FGD6: variants seen among roughly 807,000 people sequenced by gnomAD.
The protein encoded by FGD6 is FYVE, RhoGEF and PH domain-containing protein 6.
FGD6 carries 90 observed loss-of-function variants against 149.4 expected under a neutral mutation model. That is an observed-to-expected ratio of 0.60 (90% CI 0.51 to 0.72). The LOEUF is 0.72. FGD6 is among the 30% of genes least tolerant of loss of function. The pLI, the probability that FGD6 is intolerant of heterozygous loss-of-function variation, is 0.00. For missense variants in FGD6, 1,437 were observed against 1,684.8 expected, an observed-to-expected ratio of 0.85 and a Z score of 2.57; for synonymous variants, 527 against 584.0, an observed-to-expected ratio of 0.90 and a Z score of 1.41.
chr12:95,108,553 C>T lies in FGD6; in HGVS notation c.3142G>A (p.Ala1048Thr). Residue 1048 changes from alanine to threonine, a missense_variant, in exon 10 of 21, where the codon GCT (alanine) becomes ACT (threonine). By Grantham distance (58) the Ala-to-Thr change is moderately conservative (BLOSUM62 0). Around this residue, in one of 2 missense-constraint regions of FGD6, gnomAD observed 382 missense variants for 538.7 expected, o/e 0.71. Transcript: ENST00000343958. Reference sequence around the variant, plus strand: ...TGGTTGGCTACCTCTATAACAACAGCAAGGGCATCTGAAATAGGCAGGAAC... The same window carrying T: ...TGGTTGGCTACCTCTATAACAACAGTAAGGGCATCTGAAATAGGCAGGAAC... ...GDYRDTQDAL[A>T]VVIEVANHAN... The T allele has an allele frequency of 6.2e-7, 1 of 1,613,982 alleles. No homozygotes were observed. Among genetic ancestry groups the T allele is most frequent in the Non-Finnish European group, 8.5e-7 (1 of 1,179,902 alleles).
chr12:95,202,861 G>C (rs1258675533), intron 2 of FGD6, among the ~76,000 whole-genome samples: 1 of 152,166 alleles, frequency 6.6e-6, no homozygotes, highest in Non-Finnish European at 1.5e-5. Flanking sequence ...GAGGCATACA[G>C]ATTTTTTACA....
chr12:95,143,999 G>C (rs540805960), intron 5 of FGD6, among the ~76,000 whole-genome samples: 3 of 152,200 alleles, frequency 2.0e-5, no homozygotes, highest in Admixed American at 6.5e-5. Flanking sequence ...TGCCATGACA[G>C]TGACAGTGAT....
At position 95,152,745 on chromosome 12, in the gene FGD6, C is replaced by T; in HGVS notation, c.2685+66G>A. The T allele has an allele frequency of 2.1e-6, 3 of 1,450,090 alleles. No homozygotes were observed. In the South Asian group the frequency reaches 3.6e-5, roughly 18 times the overall value. 89.8% of individuals were successfully genotyped at this position (1,450,090 alleles called of 1,614,324 possible). ...ATTAAGTTAGTAATGCTGAAAACTT[C>T]TAGGGGTAGGGAAAGTACAAAAGGG... On this transcript the variant is annotated intron_variant, in intron 5 of 20. Coordinates refer to ENST00000343958, the MANE Select transcript of FGD6 (RefSeq NM_018351.4).
intron 3 of FGD6, among the ~76,000 whole-genome samples, chr12:95,166,070 G>T (rs2136280266): frequency 6.6e-6 from 1 of 151,778 alleles, no homozygotes; most frequent in Non-Finnish European, 1.5e-5. Flanking sequence ...CTTCCCAGGG[G>T]CTTGCCCCAC....
intron 13 of FGD6, among the ~76,000 whole-genome samples, chr12:95,106,694 G>A (rs1210719351): frequency 2.0e-5 from 3 of 151,842 alleles, no homozygotes; most frequent in Admixed American, 1.3e-4. Context: ...TCAGGAGTTC[G>A]AGACCAGCCT....
Position 95,105,037 on chromosome 12 carries a change from C to T in FGD6, c.3467G>A (p.Ser1156Asn), listed in dbSNP as rs774894799. The change falls in exon 14 of 21, where the codon AGT becomes AAT. Residue 1156 changes from serine (S) to asparagine (N), a missense_variant. Around this residue, in one of 2 missense-constraint regions of FGD6, gnomAD observed 382 missense variants for 538.7 expected, o/e 0.71. Transcript: ENST00000343958. ...EAYQNELKIE[S>N]VERSFILSAS... ...TGAGAGAATGAAGGAACGTTCTACA[C>T]TTTCAATCTTTAATTCATTCTGATA... 2 of 1,607,766 alleles carry T rather than the reference C, an allele frequency of 1.2e-6. No individual in the cohort carries two copies. Among genetic ancestry groups the T allele is most frequent in the Non-Finnish European group, 1.7e-6 (2 of 1,178,516 alleles).
intron 2 of FGD6, among the ~76,000 whole-genome samples, chr12:95,200,205 G>T (rs923500798): frequency 6.6e-6 from 1 of 152,056 alleles, no homozygotes; most frequent in African/African-American, 2.4e-5. Context: ...AAAAATAAAT[G>T]ATCTAAGTAA....
chr12:95,197,432 C>T (rs1435572140), intron 2 of FGD6, among the ~76,000 whole-genome samples: 2 of 152,048 alleles, frequency 1.3e-5, no homozygotes, highest in African/African-American at 4.8e-5. Flanking sequence ...GACTCTGTCT[C>T]TAAAAAATAA....
chr12:95,130,791 TAA>T (rs1322987101), intron 8 of FGD6, among the ~76,000 whole-genome samples: 1 of 151,830 alleles, frequency 6.6e-6, no homozygotes, highest in Non-Finnish European at 1.5e-5. Flanking sequence ...TCTTGCAAAG[TAA>T]AGAGTAATCA....
intron 5 of FGD6, among the ~76,000 whole-genome samples, chr12:95,148,635 G>A (rs1385013746): frequency 1.9e-5 from 2 of 105,922 alleles, no homozygotes; most frequent in East Asian, 3.1e-4. Flanking sequence ...CATAGCATAT[G>A]TTATATTATA....
Position 95,210,423 on chromosome 12 carries a change from A to C in FGD6, c.861T>G (p.Asp287Glu). The change falls in exon 2 of 21, where the codon GAT becomes GAG. Residue 287 changes from aspartate to glutamate, a missense_variant. By Grantham distance (45) the Asp-to-Glu change is conservative. This residue lies in a region of FGD6 where 1,055 missense variants were observed against 1,146.0 expected (regional missense o/e 0.92). Coordinates refer to ENST00000343958, the MANE Select transcript of FGD6 (RefSeq NM_018351.4). ...NGKRSTLISS[D>E]GVSKKSEVKD... ...TGACTTCTGATTTCTTACTAACTCC[A>C]TCTGAAGATATTAAAGTACTCCTTT... 6.2e-7 allele frequency: 1 copy of C among 1,614,156 alleles called. No homozygotes were observed. Among genetic ancestry groups the C allele is most frequent in the Non-Finnish European group, 8.5e-7 (1 of 1,180,034 alleles).
Position 95,210,235 on chromosome 12 carries a change from C to A in FGD6, c.1049G>T (p.Cys350Phe). Residue 350 changes from cysteine (C) to phenylalanine (F), a missense_variant, in exon 2 of 21, where the codon TGT (cysteine) becomes TTT (phenylalanine). By Grantham distance (205) the Cys-to-Phe change is radical. This residue lies in a region of FGD6 where 1,055 missense variants were observed against 1,146.0 expected (regional missense o/e 0.92). Coordinates refer to ENST00000343958, the MANE Select transcript of FGD6 (RefSeq NM_018351.4). ...EPGNSDSSSSCLTENSLKINK... is the reference protein window; with the variant it reads ...EPGNSDSSSSFLTENSLKINK... ...GATTTTCAAACTATTTTCAGTAAGACAGGAAGAGCTACTGTCTGAATTCCC... is the reference window on the plus strand; with the variant it reads ...GATTTTCAAACTATTTTCAGTAAGAAAGGAAGAGCTACTGTCTGAATTCCC... 2 of 1,614,136 alleles carry A rather than the reference C, an allele frequency of 1.2e-6. No individual in the cohort carries two copies. The highest frequency in any genetic ancestry group is 1.7e-6 in the Non-Finnish European group (2 of 1,180,026).
chr12:95,171,602 G>A (rs1880989001), intron 3 of FGD6, among the ~76,000 whole-genome samples: 1 of 152,036 alleles, frequency 6.6e-6, no homozygotes, highest in African/African-American at 2.4e-5. Flanking sequence ...TGCAAGCTCC[G>A]CCTCCCGGGT....
intron 3 of FGD6, among the ~76,000 whole-genome samples, chr12:95,156,062 T>C (rs759019142): frequency 6.6e-6 from 1 of 152,184 alleles, no homozygotes; most frequent in Non-Finnish European, 1.5e-5. Flanking sequence ...GAGGGGGATG[T>C]ATGTTGCCTC....
chr12:95,185,300 T>G (rs1565918524), intron 2 of FGD6, among the ~76,000 whole-genome samples: 1 of 152,204 alleles, frequency 6.6e-6, no homozygotes, highest in Non-Finnish European at 1.5e-5. Context: ...CAAACTCAGA[T>G]TACATCTTCG....
chr12:95,199,614 CTT>C (rs35515272), intron 2 of FGD6, among the ~76,000 whole-genome samples: 14 of 128,670 alleles, frequency 1.1e-4, no homozygotes, highest in Admixed American at 1.6e-4. Flanking sequence ...GAAAAGCTAC[CTT>C]TTTTTTTTTT....
chr12:95,154,448 G>A (rs1046018800), intron 3 of FGD6, among the ~76,000 whole-genome samples: 5 of 152,072 alleles, frequency 3.3e-5, no homozygotes, highest in African/African-American at 1.2e-4. Context: ...GGAAATCAGA[G>A]AAAAGGAGAG....
chr12:95,144,036 C>G (rs753149433), intron 5 of FGD6, among the ~76,000 whole-genome samples: 1 of 152,126 alleles, frequency 6.6e-6, no homozygotes, highest in African/African-American at 2.4e-5. Flanking sequence ...CTTAAGGACC[C>G]GGTTTGACAC....
rs764002943 is a variant in FGD6 at position 95,211,107 on chromosome 12, C to T, written c.177G>A (p.Leu59=). ...KPAIAPKPKV[L]KTSPVREIGQ... The stretch of plus-strand genomic sequence containing the variant: ...CAATCTCTCGAACAGGTGAGGTCTT[C>T]AGGACTTTTGGTTTTGGGGCTATTG... Residue 59 remains leucine, a synonymous_variant, in exon 2 of 21, where the codon CTG becomes CTA. Coordinates refer to ENST00000343958, the MANE Select transcript of FGD6 (RefSeq NM_018351.4). 1 of 1,614,224 alleles carries T rather than the reference C, an allele frequency of 6.2e-7. No individual in the cohort carries two copies. Among genetic ancestry groups the T allele is most frequent in the East Asian group, 2.2e-5 (1 of 44,890 alleles).
Sources: allele counts gnomAD v4.1 joint callset (sites outside exome capture counted in the v4.1 genomes callset), GRCh38; gene constraint gnomAD v4.1.1; regional missense constraint gnomAD v4.1.1; transcripts MANE v1.5; gene names NCBI Gene and HGNC (gene_info 2026-07-23, HGNC 2026-07-21).